The following CADM1 variants were observed in gnomAD, a reference collection of about 807,000 sequenced individuals.
CADM1 encodes cell adhesion molecule 1.
A neutral mutation model predicts 53.1 loss-of-function variants in CADM1; 15 were observed. The observed-to-expected ratio is 0.28, with a 90% CI of 0.19 to 0.44. The LOEUF is 0.44. CADM1 is among the 20% of genes least tolerant of loss of function. The pLI, the probability that CADM1 is intolerant of heterozygous loss-of-function variation, is 1.00. For synonymous variants in CADM1, 281 were observed against 243.0 expected (o/e 1.16, Z -1.45); for missense variants, 434 against 611.3 (o/e 0.71, Z 3.06).
chr11:115,404,342 AAAAAATATATATATATATATATATATAT>A (rs1171346954), intron 1 of CADM1, among the ~76,000 whole-genome samples: 1 of 41,530 alleles, frequency 2.4e-5, no homozygotes, highest in African/African-American at 8.0e-5. Flanking sequence ...AAAAAAAAAA[AAAAAATATATATATATATATATATATAT>A]ATATATATAT....
chr11:115,497,532 A>C (rs1333805496), intron 1 of CADM1, among the ~76,000 whole-genome samples: 1 of 152,200 alleles, frequency 6.6e-6, no homozygotes. Flanking sequence ...AACTGCACCA[A>C]AGCTTTTGAG....
intron 1 of CADM1, among the ~76,000 whole-genome samples, chr11:115,495,726 C>A (rs141658963): frequency 6.6e-6 from 1 of 152,210 alleles, no homozygotes. Flanking sequence ...GTTGAAAACA[C>A]TAGCTAATAA....
chr11:115,344,987 C>A (rs1333667071), intron 1 of CADM1, among the ~76,000 whole-genome samples: 6 of 152,174 alleles, frequency 3.9e-5, no homozygotes, highest in Non-Finnish European at 7.4e-5. Context: ...GGTTTTCATG[C>A]ATTCTTCAGT....
chr11:115,198,355 TTGCCTCTCAGCAG>T (rs1343135034), intron 9 of CADM1, 38 bp downstream of exon 9: 1 of 1,452,484 alleles, frequency 6.9e-7, no homozygotes, highest in African/African-American at 1.4e-5. Flanking sequence ...CAGGCTTGCC[TTGCCTCTCAGCAG>T]TGCTGAGAAA....
intron 10 of CADM1, 185 bp downstream of exon 10, chr11:115,190,703 C>T (rs1008852016): frequency 1.8e-5 from 10 of 565,652 alleles, no homozygotes; most frequent in Non-Finnish European, 2.8e-5. Flanking sequence ...ATATAAATAT[C>T]GCTACCACAG....
At position 115,284,856 on chromosome 11, in the gene CADM1, T is replaced by C. The variant is rs1364033044; in HGVS notation, c.125-44436A>G. The stretch of plus-strand genomic sequence containing the variant: ...ATTTTCAATACGTCTAAGTGGTTAA[T>C]GCAGGATTTTCTAAGTTCGTTCTTA... On this transcript the variant is annotated intron_variant, in intron 1 of 11. Coordinates refer to ENST00000331581, the MANE Select transcript of CADM1 (RefSeq NM_001301043.2). Among the ~76,000 whole-genome samples, 7 of 152,338 alleles carry C rather than the reference T, an allele frequency of 4.6e-5. No individual in the cohort carries two copies. The East Asian group carries it at 1.2e-3, about 25-fold the overall frequency.
intron 1 of CADM1, among the ~76,000 whole-genome samples, chr11:115,288,694 C>T (rs1943796080): frequency 2.6e-5 from 4 of 152,174 alleles, no homozygotes; most frequent in Admixed American, 2.0e-4. Context: ...TATCATGGCA[C>T]TTATCATGCT....
chr11:115,403,725 T>C (rs1169962511), intron 1 of CADM1, among the ~76,000 whole-genome samples: 1 of 152,008 alleles, frequency 6.6e-6, no homozygotes, highest in Non-Finnish European at 1.5e-5. Context: ...GCCTCCCAAG[T>C]AGCTAGGACT....
intron 1 of CADM1, among the ~76,000 whole-genome samples, chr11:115,262,543 G>A (rs1943007524): frequency 6.6e-6 from 1 of 152,106 alleles, no homozygotes. Context: ...TCAAACCTCT[G>A]CATGCCACCC....
At chr11:115,276,830 C>T (rs552858228) in intron 1 of CADM1, among the ~76,000 whole-genome samples, 1 of 152,266 alleles carries the variant, frequency 6.6e-6, no homozygotes, top group Admixed American at 6.5e-5. Context: ...CTACACTAAG[C>T]CAGCATTCTG....
At chr11:115,480,580 TG>T (rs1565447953) in intron 1 of CADM1, among the ~76,000 whole-genome samples, 1 of 152,184 alleles carries the variant, frequency 6.6e-6, no homozygotes, top group African/African-American at 2.4e-5. Flanking sequence ...GACTGGTCTC[TG>T]GGAAGAGTGA....
At chr11:115,267,520 T>C (rs559296352) in intron 1 of CADM1, among the ~76,000 whole-genome samples, 58 of 152,260 alleles carry the variant, frequency 3.8e-4, no homozygotes, top group African/African-American at 1.3e-3. Context: ...TGCCATACCA[T>C]TGTGGGAGAT....
At chr11:115,185,557 C>T (rs1939503010) in intron 10 of CADM1, among the ~76,000 whole-genome samples, 1 of 152,140 alleles carries the variant, frequency 6.6e-6, no homozygotes, top group African/African-American at 2.4e-5. Context: ...ATTTTTTCCC[C>T]TCTCAAATTC....
rs114571593 is a variant in CADM1 at position 115,189,278 on chromosome 11, T to C, written c.1165+1610A>G. On this transcript the variant is annotated intron_variant, in intron 10 of 11. Coordinates refer to ENST00000331581, the MANE Select transcript of CADM1 (RefSeq NM_001301043.2). ...GTGCTGAGGCCCAGAGTATTCCTAA[T>C]TGATGATGCTGGTGGAAGGGGTGGA... 4.2e-3 allele frequency among the ~76,000 whole-genome samples: 642 copies of C among 152,274 alleles called. 6 individuals are homozygous for C. The highest frequency in any genetic ancestry group is 0.013 in the African/African-American group (528 of 41,552).
intron 3 of CADM1, among the ~76,000 whole-genome samples, chr11:115,238,063 A>C (rs977458712): frequency 6.6e-6 from 1 of 152,196 alleles, no homozygotes; most frequent in Admixed American, 6.5e-5. Context: ...AAAGGAGATC[A>C]ACAATATTAA....
intron 1 of CADM1, among the ~76,000 whole-genome samples, chr11:115,367,350 G>A (rs1391819791): frequency 6.6e-6 from 1 of 152,204 alleles, no homozygotes; most frequent in Non-Finnish European, 1.5e-5. Context: ...TCTGAGAAAG[G>A]TATCCAATGC....
intron 7 of CADM1, among the ~76,000 whole-genome samples, chr11:115,211,289 T>C (rs1226322239): frequency 6.6e-6 from 1 of 151,956 alleles, no homozygotes; most frequent in Non-Finnish European, 1.5e-5. Context: ...CACTGACCCC[T>C]GAGCCCAGCA....
At chr11:115,262,141 C>CTT (rs771054037) in intron 1 of CADM1, among the ~76,000 whole-genome samples, 4 of 140,480 alleles carry the variant, frequency 2.8e-5, no homozygotes, top group South Asian at 2.3e-4. Flanking sequence ...CTTTTTTTGT[C>CTT]TTTTTTTTTT....
At chr11:115,409,954 A>G (rs1013768233) in intron 1 of CADM1, among the ~76,000 whole-genome samples, 1 of 152,236 alleles carries the variant, frequency 6.6e-6, no homozygotes, top group Non-Finnish European at 1.5e-5. Context: ...AGAACAGACA[A>G]CACATCTGTT....
Sources: allele counts gnomAD v4.1 joint callset (sites outside exome capture counted in the v4.1 genomes callset), GRCh38; gene constraint gnomAD v4.1.1; transcripts MANE v1.5; gene names NCBI Gene and HGNC (gene_info 2026-07-23, HGNC 2026-07-21).